The following GLIS3 variants were observed in gnomAD, a reference collection of about 807,000 sequenced individuals.
GLIS3 encodes the protein GLIS family zinc finger 3, also known as zinc finger protein GLIS3.
A neutral mutation model predicts 78.6 loss-of-function variants in GLIS3; 53 were observed. The ratio of observed to expected loss-of-function variants is 0.67; its 90% CI spans 0.54 to 0.85. The LOEUF is 0.85. GLIS3 is among the 40% of genes least tolerant of loss of function. The probability of loss-of-function intolerance (pLI) is 0.00; values close to 1 mark genes in which losing one functional copy is unlikely to be tolerated. For synonymous variants in GLIS3, 684 were observed against 509.9 expected, an observed-to-expected ratio of 1.34 and a Z score of -4.60; for missense variants, 1,703 against 1,231.1, an observed-to-expected ratio of 1.38 and a Z score of -5.74.
intron 2 of GLIS3, among the ~76,000 whole-genome samples, chr9:4,259,332 A>C (rs1454904305): frequency 6.6e-6 from 1 of 152,088 alleles, no homozygotes; most frequent in Non-Finnish European, 1.5e-5. Flanking sequence ...CACTACTAGC[A>C]GTCAGATCCC....
chr9:4,459,695 G>A, the GLIS3 span, among the ~76,000 whole-genome samples: 1 of 152,124 alleles, frequency 6.6e-6, no homozygotes, highest in Non-Finnish European at 1.5e-5. Flanking sequence ...AGCCCAGGAG[G>A]TCAAGTGAAC....
intron 4 of GLIS3, among the ~76,000 whole-genome samples, chr9:4,053,229 G>A (rs141825575): frequency 5.9e-5 from 9 of 152,266 alleles, no homozygotes; most frequent in Non-Finnish European, 8.8e-5. Context: ...GATTACAGGC[G>A]TGAGCCACAG....
Position 4,257,314 on chromosome 9 carries a change from A to G in GLIS3, c.388+28724T>C, listed in dbSNP as rs76302412. The stretch of plus-strand genomic sequence containing the variant: ...AATTGAATACAGTACATAGAAGCAG[A>G]GAGTAGATGAGTGGGGTGGGGATGT... On this transcript the variant is annotated intron_variant, in intron 2 of 10. Transcript: ENST00000381971. 5.1e-3 allele frequency among the ~76,000 whole-genome samples: 783 copies of G among 152,258 alleles called. 10 individuals are homozygous for G. The highest frequency in any genetic ancestry group is 0.018 in the African/African-American group (741 of 41,546).
At chr9:4,215,327 A>G (rs1346816454) in intron 2 of GLIS3, among the ~76,000 whole-genome samples, 1 of 150,446 alleles carries the variant, frequency 6.6e-6, no homozygotes, top group South Asian at 2.1e-4. Context: ...GTGTGTGCAT[A>G]TGTGTGTGTG....
At chr9:4,486,231 C>T in the GLIS3 span, among the ~76,000 whole-genome samples, 1 of 152,156 alleles carries the variant, frequency 6.6e-6, no homozygotes, top group Non-Finnish European at 1.5e-5. Flanking sequence ...GGAGAAACCT[C>T]AAGGTCTCTC....
chr9:4,338,366 G>GTA, intron 2 of GLIS3, among the ~76,000 whole-genome samples: 1 of 133,714 alleles, frequency 7.5e-6, no homozygotes, highest in African/African-American at 3.0e-5. Flanking sequence ...ATATATGTGT[G>GTA]TACACACACA....
chr9:4,115,075 C>A (rs1032634182), intron 4 of GLIS3, among the ~76,000 whole-genome samples: 3 of 152,188 alleles, frequency 2.0e-5, no homozygotes, highest in African/African-American at 7.2e-5. Flanking sequence ...CAAGCCGTCA[C>A]TGAGTAGCCC....
intron 4 of GLIS3, among the ~76,000 whole-genome samples, chr9:4,046,798 A>G (rs1825286655): frequency 6.6e-6 from 1 of 152,184 alleles, no homozygotes; most frequent in Non-Finnish European, 1.5e-5. Flanking sequence ...CTTGGCAAGT[A>G]TGGGTTGAGA....
At chr9:4,152,282 C>G (rs745569450) in intron 2 of GLIS3, 1 of 178,084 alleles carries the variant, frequency 5.6e-6, no homozygotes, top group Non-Finnish European at 1.1e-5. Flanking sequence ...GAAGAATACA[C>G]GACGGGGTTG....
chr9:4,091,275 G>C (rs966404246), intron 4 of GLIS3, among the ~76,000 whole-genome samples: 2 of 152,070 alleles, frequency 1.3e-5, no homozygotes, highest in African/African-American at 4.8e-5. Flanking sequence ...TCTGAGGTGG[G>C]AGGATCTCTT....
intron 2 of GLIS3, among the ~76,000 whole-genome samples, chr9:4,325,611 T>C (rs1817587314): frequency 6.6e-6 from 1 of 152,232 alleles, no homozygotes; most frequent in African/African-American, 2.4e-5. Flanking sequence ...TACTTTCTTT[T>C]AACCTTCATT....
chr9:4,115,611 AGTT>A (rs1831579337), intron 4 of GLIS3, among the ~76,000 whole-genome samples: 1 of 152,138 alleles, frequency 6.6e-6, no homozygotes, highest in African/African-American at 2.4e-5. Context: ...AATTGCTGCC[AGTT>A]GGCTATCACC....
At chr9:4,238,119 C>T (rs190556596) in intron 2 of GLIS3, among the ~76,000 whole-genome samples, 2 of 152,246 alleles carry the variant, frequency 1.3e-5, no homozygotes, top group Admixed American at 6.5e-5. Context: ...AGGACCACTC[C>T]GTAAAAAAGC....
chr9:3,845,069 A>ATG (rs1392142298), intron 9 of GLIS3, among the ~76,000 whole-genome samples: 4 of 120,428 alleles, frequency 3.3e-5, no homozygotes, highest in African/African-American at 1.1e-4. Context: ...AGATATATAT[A>ATG]TATGTGTGTG....
At chr9:4,105,690 T>G (rs1475323381) in intron 4 of GLIS3, among the ~76,000 whole-genome samples, 3 of 152,198 alleles carry the variant, frequency 2.0e-5, no homozygotes, top group Non-Finnish European at 4.4e-5. Context: ...GTGACACAGT[T>G]GTTTGTTTTG....
At chr9:4,298,589 G>A (rs35338539) in intron 1 of GLIS3, 98,799 of 306,194 alleles carry the variant, frequency 0.32, 17,823 homozygotes, top group South Asian at 0.45. Flanking sequence ...AATACACACA[G>A]GGTCATTTAT....
chr9:4,050,904 G>A (rs780443854), intron 4 of GLIS3, among the ~76,000 whole-genome samples: 6 of 152,190 alleles, frequency 3.9e-5, no homozygotes, highest in Non-Finnish European at 5.9e-5. Context: ...TCCTAAACCT[G>A]ATAGTCAGGG....
At chr9:4,462,453 G>T in the GLIS3 span, among the ~76,000 whole-genome samples, 1 of 152,178 alleles carries the variant, frequency 6.6e-6, no homozygotes, top group South Asian at 2.1e-4. Context: ...ACAGATCAGA[G>T]AGTTAAAAAG....
At chr9:4,072,661 C>T (rs922696043) in intron 4 of GLIS3, among the ~76,000 whole-genome samples, 1 of 151,790 alleles carries the variant, frequency 6.6e-6, no homozygotes, top group Non-Finnish European at 1.5e-5. Flanking sequence ...TTTAGCCAAG[C>T]ATGAACTTTT....
Sources: gnomAD v4.1 joint callset for allele counts (sites outside exome capture counted in the v4.1 genomes callset) on GRCh38, gnomAD v4.1.1 for gene constraint, MANE v1.5 for transcripts, NCBI Gene and HGNC (gene_info 2026-07-23, HGNC 2026-07-21) for gene names.